Variants in EBF1 observed in about 807,000 individuals in gnomAD.
EBF1 encodes transcription factor COE1.
A neutral mutation model predicts 68.4 loss-of-function variants in EBF1; 10 were observed. The ratio of observed to expected loss-of-function variants is 0.15; its 90% CI spans 0.09 to 0.25. The LOEUF (loss-of-function observed/expected upper bound fraction) is 0.25, where lower values mean the gene tolerates loss of function less well. Ranked by LOEUF, EBF1 falls within the 10% of genes least tolerant of loss-of-function variation. The probability of loss-of-function intolerance (pLI) is 1.00; values close to 1 mark genes in which losing one functional copy is unlikely to be tolerated. For synonymous variants in EBF1, 298 were observed against 299.8 expected (o/e 0.99, Z 0.06); for missense variants, 509 against 794.4 (o/e 0.64, Z 4.32).
intron 6 of EBF1, among the ~76,000 whole-genome samples, chr5:158,923,599 T>G (rs886705597): frequency 6.6e-6 from 1 of 151,992 alleles, no homozygotes; most frequent in African/African-American, 2.4e-5. Flanking sequence ...TGGCGGGAGG[T>G]GGGATTTGAA....
intron 4 of EBF1, among the ~76,000 whole-genome samples, chr5:159,094,185 A>G (rs887484681): frequency 2.7e-5 from 4 of 147,240 alleles, no homozygotes; most frequent in African/African-American, 1.0e-4. Flanking sequence ...AAAAAAAAAA[A>G]AAAAAAAAAC....
intron 9 of EBF1, among the ~76,000 whole-genome samples, chr5:158,778,965 T>A (rs1418599061): frequency 6.6e-6 from 1 of 152,176 alleles, no homozygotes; most frequent in East Asian, 1.9e-4. Context: ...TTCCTGTTGT[T>A]CTTAGCACCT....
At chr5:158,937,643 G>C (rs114061002) in intron 6 of EBF1, among the ~76,000 whole-genome samples, 1 of 152,212 alleles carries the variant, frequency 6.6e-6, no homozygotes, top group Non-Finnish European at 1.5e-5. Flanking sequence ...TCTTAAGAGC[G>C]GGCTCTATTC....
At chr5:158,818,689 T>C (rs576199946) in intron 8 of EBF1, among the ~76,000 whole-genome samples, 8 of 152,348 alleles carry the variant, frequency 5.3e-5, no homozygotes, top group African/African-American at 1.9e-4. Flanking sequence ...GTCTTTATTA[T>C]AACTTTGAAG....
At position 158,696,257 on chromosome 5, in the gene EBF1, T is replaced by G. The variant is rs1489680223; in HGVS notation, c.*2854A>C. 3 of 219,430 alleles carry G rather than the reference T, an allele frequency of 1.4e-5. No homozygotes were observed. The highest frequency in any genetic ancestry group is 2.7e-5 in the Non-Finnish European group (3 of 109,382). 13.6% of individuals were successfully genotyped at this position (219,430 alleles called of 1,614,324 possible). ...TTTCTTCTTAAAGCCATATTCTGTA[T>G]TTAGGGGAACATCTTTTATTTGTAA... On this transcript the variant is annotated 3_prime_UTR_variant, in exon 16 of 16. Transcript: ENST00000313708.
chr5:158,783,407 G>A (rs1312843570), intron 9 of EBF1, among the ~76,000 whole-genome samples: 4 of 152,156 alleles, frequency 2.6e-5, no homozygotes, highest in African/African-American at 9.7e-5. Flanking sequence ...AGATGGTAGA[G>A]GTATGGGTAA....
chr5:158,698,753 CTTAT>C lies in EBF1; in HGVS notation c.*354_*357del. On this transcript the variant is annotated 3_prime_UTR_variant, in exon 16 of 16. Transcript: ENST00000313708. ...AACATCATAAATTAAAACATGGAGT[CTTAT>C]TTATAGTGTCCCTTGTATAGAGCTT... is the stretch of plus-strand genomic sequence containing the variant. 1 of 215,474 alleles carries C rather than the reference CTTAT, an allele frequency of 4.6e-6. No homozygotes were observed. The highest frequency in any genetic ancestry group is 8.9e-6 in the Non-Finnish European group (1 of 111,840). 13.3% of individuals were successfully genotyped at this position (215,474 alleles called of 1,614,324 possible).
intron 4 of EBF1, among the ~76,000 whole-genome samples, chr5:159,089,520 A>C (rs1184468345): frequency 6.6e-6 from 1 of 152,174 alleles, no homozygotes; most frequent in Non-Finnish European, 1.5e-5. Context: ...TACACAGTGA[A>C]TGTACACCGG....
chr5:158,751,828 T>C (rs1768964956), intron 10 of EBF1, among the ~76,000 whole-genome samples: 1 of 152,146 alleles, frequency 6.6e-6, no homozygotes, highest in African/African-American at 2.4e-5. Context: ...GAAATGGACA[T>C]GGCCAAAATA....
In EBF1 at chr5:158,973,158, G is replaced by A. The variant is rs998409499; in HGVS notation, c.554+100238C>T. On this transcript the variant is annotated intron_variant, in intron 6 of 15. Coordinates refer to ENST00000313708, the MANE Select transcript of EBF1 (RefSeq NM_024007.5). ...TAGAACGTAAGCTCCATGAGGGCAG[G>A]GATTTTTTCACTCTTTTATTTGTGC... Among the ~76,000 whole-genome samples the A allele has an allele frequency of 2.0e-5, 3 of 152,118 alleles. No individual in the cohort carries two copies. In the East Asian group the frequency reaches 5.8e-4, roughly 29 times the overall value.
At chr5:158,791,760 C>T (rs765581381) in intron 9 of EBF1, among the ~76,000 whole-genome samples, 19 of 152,030 alleles carry the variant, frequency 1.2e-4, no homozygotes, top group South Asian at 2.1e-4. Context: ...CAGAACTTAG[C>T]GTGAATTGTA....
intron 6 of EBF1, among the ~76,000 whole-genome samples, chr5:159,063,523 C>T (rs1776229166): frequency 6.6e-6 from 1 of 152,054 alleles, no homozygotes. Context: ...TTTTGGGGGA[C>T]TGGGGGCAGA....
chr5:158,809,235 C>T (rs1186909658), intron 8 of EBF1, among the ~76,000 whole-genome samples: 2 of 152,102 alleles, frequency 1.3e-5, no homozygotes, highest in Non-Finnish European at 2.9e-5. Context: ...TTTATATCAA[C>T]CTTGAGCAGT....
chr5:158,904,405 C>T (rs1562262636), intron 6 of EBF1, among the ~76,000 whole-genome samples: 1 of 152,166 alleles, frequency 6.6e-6, no homozygotes, highest in African/African-American at 2.4e-5. Flanking sequence ...TCTTGTGTTG[C>T]AAGCCCAAAA....
At chr5:159,067,638 T>C (rs1777079914) in intron 6 of EBF1, among the ~76,000 whole-genome samples, 1 of 152,214 alleles carries the variant, frequency 6.6e-6, no homozygotes, top group African/African-American at 2.4e-5. Context: ...CTTATCACGG[T>C]AGCAAACTGC....
chr5:159,076,710 A>T (rs965902819), intron 5 of EBF1, among the ~76,000 whole-genome samples: 2 of 152,214 alleles, frequency 1.3e-5, no homozygotes, highest in Non-Finnish European at 2.9e-5. Context: ...TCACATAGTC[A>T]TTATTCCTGA....
intron 10 of EBF1, among the ~76,000 whole-genome samples, chr5:158,757,556 T>C (rs1770395392): frequency 6.6e-6 from 1 of 152,180 alleles, no homozygotes; most frequent in African/African-American, 2.4e-5. Context: ...TGGGGCACAG[T>C]GCAACATTTC....
Position 159,079,992 on chromosome 5 carries a change from G to A in EBF1, c.485+4674C>T, listed in dbSNP as rs574012185. ...CTAACACACCCTGCCTTCTTGCTAA[G>A]CGTGATTATTCCCCCCAAGAATATA... On this transcript the variant is annotated intron_variant, in intron 5 of 15. Coordinates refer to ENST00000313708, the MANE Select transcript of EBF1 (RefSeq NM_024007.5). 1.5e-4 allele frequency among the ~76,000 whole-genome samples: 23 copies of A among 152,096 alleles called. No individual in the cohort carries two copies. In the East Asian group the frequency reaches 3.5e-3, roughly 23 times the overall value.
At chr5:158,814,247 G>A (rs1783258275) in intron 8 of EBF1, among the ~76,000 whole-genome samples, 1 of 152,148 alleles carries the variant, frequency 6.6e-6, no homozygotes, top group South Asian at 2.1e-4. Context: ...GGAAGCTGAG[G>A]TGAGAGGATA....
Sources: allele counts gnomAD v4.1 joint callset (sites outside exome capture counted in the v4.1 genomes callset), GRCh38; gene constraint gnomAD v4.1.1; transcripts MANE v1.5; gene names NCBI Gene and HGNC (gene_info 2026-07-23, HGNC 2026-07-21).